Variants in MTR observed in about 807,000 individuals in gnomAD.
MTR encodes the protein 5-methyltetrahydrofolate-homocysteine methyltransferase.
A neutral mutation model predicts 154.8 loss-of-function variants in MTR; 84 were observed. The ratio of observed to expected loss-of-function variants is 0.54; its 90% CI spans 0.45 to 0.65. The LOEUF (loss-of-function observed/expected upper bound fraction) is 0.65, where lower values mean the gene tolerates loss of function less well. Ranked by LOEUF, MTR falls within the 30% of genes least tolerant of loss-of-function variation. The pLI, the probability that MTR is intolerant of heterozygous loss-of-function variation, is 0.00. For synonymous variants in MTR, 554 were observed against 553.9 expected (o/e 1.00, Z 0.00); for missense variants, 1,275 against 1,570.2 (o/e 0.81, Z 3.18).
At chr1:236,848,563 T>C (rs1170505768) in intron 15 of MTR, among the ~76,000 whole-genome samples, 1 of 152,164 alleles carries the variant, frequency 6.6e-6, no homozygotes, top group Non-Finnish European at 1.5e-5. Flanking sequence ...AGTCTCAACC[T>C]TAACCTTTTC....
At chr1:236,810,619 A>G in intron 5 of MTR, 24 bp downstream of exon 5, 1 of 1,590,112 alleles carries the variant, frequency 6.3e-7, no homozygotes, top group Non-Finnish European at 8.6e-7. Flanking sequence ...ACATATAATC[A>G]TTGATCTTGG....
At chr1:236,819,048 CATT>C (rs1338773809) in intron 8 of MTR, among the ~76,000 whole-genome samples, 4 of 152,130 alleles carry the variant, frequency 2.6e-5, no homozygotes, top group Admixed American at 2.6e-4. Flanking sequence ...AAAATTCTCT[CATT>C]ATCAACAGCT....
intron 18 of MTR, among the ~76,000 whole-genome samples, chr1:236,856,013 A>G (rs1270973597): frequency 6.6e-6 from 1 of 152,190 alleles, no homozygotes. Flanking sequence ...TCAGGTTTGG[A>G]ACATAGCTAT....
At chr1:236,799,118 GTT>G (rs397961276) in intron 1 of MTR, among the ~76,000 whole-genome samples, 1 of 147,258 alleles carries the variant, frequency 6.8e-6, no homozygotes, top group African/African-American at 2.5e-5. Context: ...AGGAAACTAT[GTT>G]TTTTTTTTTC....
At chr1:236,832,165 G>C in intron 13 of MTR, 87 bp downstream of exon 13, 1 of 1,062,016 alleles carries the variant, frequency 9.4e-7, no homozygotes, top group Non-Finnish European at 1.5e-6. Flanking sequence ...GCCTTTGATA[G>C]TGTTATTAGC....
chr1:236,857,495 T>C (rs2103277518), intron 18 of MTR, among the ~76,000 whole-genome samples: 1 of 152,354 alleles, frequency 6.6e-6, no homozygotes, highest in Non-Finnish European at 1.5e-5. Context: ...AAATTTAAAC[T>C]CCACCGCATG....
At chr1:236,852,202 G>A (rs1286116669) in intron 16 of MTR, among the ~76,000 whole-genome samples, 2 of 152,086 alleles carry the variant, frequency 1.3e-5, no homozygotes, top group South Asian at 4.1e-4. Context: ...GGCTATGGAA[G>A]CCTTCTAGTA....
chr1:236,852,580 A>G lies in MTR; in HGVS notation c.1755A>G (p.Arg585=). 1 of 1,614,090 alleles carries G rather than the reference A, an allele frequency of 6.2e-7. No homozygotes were observed. Among genetic ancestry groups the G allele is most frequent in the Non-Finnish European group, 8.5e-7 (1 of 1,179,996 alleles). Residue 585 remains arginine, a synonymous_variant, in exon 17 of 33, where the codon CGA becomes CGG. Coordinates refer to ENST00000366577, the MANE Select transcript of MTR (RefSeq NM_000254.3). ...TTTCCAACTTGTCCTTCTCCTTCCG[A>G]GGAATGGAAGCCATTCGAGAAGCAA... The part of the protein sequence containing the change: ...GGLSNLSFSF[R]GMEAIREAMH...
chr1:236,860,014 A>T (rs1664429176), intron 19 of MTR, 92 bp downstream of exon 19: 6 of 990,620 alleles, frequency 6.1e-6, no homozygotes, highest in Admixed American at 5.8e-5. Flanking sequence ...GGAGAAGGAG[A>T]TGCCTAGACC....
chr1:236,861,299 A>T (rs924342003), intron 20 of MTR, 22 bp downstream of exon 20: 38 of 1,613,212 alleles, frequency 2.4e-5, no homozygotes, highest in Non-Finnish European at 3.1e-5. Flanking sequence ...ATGGGGAGAA[A>T]TTTTCACAGT....
Position 236,852,627 on chromosome 1 carries a change from A to G in MTR, c.1802A>G (p.His601Arg), listed in dbSNP as rs771585676. 3 of 1,613,258 alleles carry G rather than the reference A, an allele frequency of 1.9e-6. No homozygotes were observed. Among genetic ancestry groups the G allele is most frequent in the Non-Finnish European group, 2.5e-6 (3 of 1,179,372 alleles). The change falls in exon 17 of 33, where the codon CAT (histidine) becomes CGT (arginine). Residue 601 changes from histidine to arginine, a missense_variant. Physicochemically the swap from His to Arg is conservative, Grantham distance 29 (BLOSUM62 0). Coordinates refer to ENST00000366577, the MANE Select transcript of MTR (RefSeq NM_000254.3). ...GCAATGCATGGGGTTTTCCTTTACC[A>G]TGCAATCAAGGTATGGTAGAAGAAC... ...REAMHGVFLYHAIKSGMDMGI... is the reference protein window; with the variant it reads ...REAMHGVFLYRAIKSGMDMGI...
intron 6 of MTR, among the ~76,000 whole-genome samples, chr1:236,813,789 G>C (rs919063986): frequency 8.5e-5 from 13 of 152,190 alleles, no homozygotes; most frequent in African/African-American, 3.1e-4. Context: ...CTGTCCTCCA[G>C]TTTGTTTGAC....
At chr1:236,833,648 T>C (rs570437358) in intron 13 of MTR, among the ~76,000 whole-genome samples, 85 of 152,342 alleles carry the variant, frequency 5.6e-4, no homozygotes, top group Non-Finnish European at 9.3e-4. Context: ...AGTCTAGCTC[T>C]TATGACTTAA....
intron 5 of MTR, 88 bp from the exon 6 acceptor site, chr1:236,812,650 A>T (rs1661371546): frequency 2.0e-6 from 2 of 986,102 alleles, no homozygotes; most frequent in African/African-American, 3.2e-5. Flanking sequence ...GCAATAGTTC[A>T]CAGGTGCCAG....
intron 25 of MTR, among the ~76,000 whole-genome samples, chr1:236,884,780 T>TC (rs1289804528): frequency 7.9e-5 from 12 of 151,648 alleles, no homozygotes; most frequent in South Asian, 2.1e-4. Flanking sequence ...TGAGCGAAGG[T>TC]CCCCCACCAT....
At position 236,814,007 on chromosome 1, in the gene MTR, C is replaced by T. The variant is rs190065832; in HGVS notation, c.609+1163C>T. Among the ~76,000 whole-genome samples the T allele has an allele frequency of 6.3e-4, 96 of 152,254 alleles. No homozygotes were observed. In the East Asian group the frequency reaches 0.018, roughly 28 times the overall value. ...AAAAATGGAAAAATGGCCTTTTCCT[C>T]CGTAGTACTTTACAGTTTCATTAAA... On this transcript the variant is annotated intron_variant, in intron 6 of 32. Coordinates refer to ENST00000366577, the MANE Select transcript of MTR (RefSeq NM_000254.3).
intron 15 of MTR, among the ~76,000 whole-genome samples, chr1:236,849,059 T>C (rs765127649): frequency 6.6e-6 from 1 of 152,212 alleles, no homozygotes; most frequent in Non-Finnish European, 1.5e-5. Flanking sequence ...TTCTTATCTC[T>C]GGAGTGATAG....
In MTR at chr1:236,800,069, G is replaced by T. The variant is rs577645710; in HGVS notation, c.35-3359G>T. Reference sequence around the variant, plus strand: ...AAGCTTATTATTTCTGGATTGAAAAGGGAATACAGTAAGGGCCCCATGGAA... The same window carrying T: ...AAGCTTATTATTTCTGGATTGAAAATGGAATACAGTAAGGGCCCCATGGAA... On this transcript the variant is annotated intron_variant, in intron 1 of 32. Coordinates refer to ENST00000366577, the MANE Select transcript of MTR (RefSeq NM_000254.3). 8 of 985,256 alleles carry T rather than the reference G, an allele frequency of 8.1e-6. No individual in the cohort carries two copies. In the African/African-American group the frequency reaches 1.4e-4, roughly 17 times the overall value. 61.0% of individuals were successfully genotyped at this position (985,256 alleles called of 1,614,324 possible).
chr1:236,864,226 A>T (rs1304772897), intron 22 of MTR, among the ~76,000 whole-genome samples: 1 of 152,202 alleles, frequency 6.6e-6, no homozygotes, highest in African/African-American at 2.4e-5. Context: ...TCCCATATCC[A>T]TGTCCAGCCA....
Sources: gnomAD v4.1 joint callset for allele counts (sites outside exome capture counted in the v4.1 genomes callset) on GRCh38, gnomAD v4.1.1 for gene constraint, MANE v1.5 for transcripts, NCBI Gene and HGNC (gene_info 2026-07-23, HGNC 2026-07-21) for gene names.